The following DLG2 variants were observed in gnomAD, a reference collection of about 807,000 sequenced individuals.
The protein encoded by DLG2 is discs large MAGUK scaffold protein 2.
In DLG2, 45 loss-of-function variants were observed where a neutral mutation model predicts 132.5. That is an observed-to-expected ratio of 0.34 (90% CI 0.27 to 0.44). The LOEUF (loss-of-function observed/expected upper bound fraction) is 0.44. Among genes scored for constraint, DLG2 ranks in the 20% least tolerant of loss-of-function variants. The probability of loss-of-function intolerance (pLI) is 1.00; values close to 1 mark genes in which losing one functional copy is unlikely to be tolerated. For missense variants in DLG2, 1,045 were observed against 1,196.9 expected (o/e 0.87, Z 1.87); for synonymous variants, 424 against 419.6 (o/e 1.01, Z -0.13).
chr11:85,127,176 C>CTTACATCCCAGCCATAT (rs2075212687), intron 5 of DLG2, among the ~76,000 whole-genome samples: 1 of 151,980 alleles, frequency 6.6e-6, no homozygotes, highest in Admixed American at 6.6e-5. Flanking sequence ...TATTGGACAC[C>CTTACATCCCAGCCATAT]TTACATCCCA....
intron 9 of DLG2, 111 bp downstream of exon 9, chr11:84,163,350 C>G (rs1008076494): frequency 2.0e-6 from 2 of 988,538 alleles, no homozygotes; most frequent in African/African-American, 1.7e-5. Context: ...CTGTGGGAAA[C>G]TTCCAGGTTA....
At chr11:83,550,808 A>G (rs645427) in intron 19 of DLG2, among the ~76,000 whole-genome samples, 96,008 of 151,892 alleles carry the variant, frequency 0.63, 30,506 homozygotes, top group African/African-American at 0.68. Context: ...ATTTCAGAGA[A>G]GCTGACACAG....
chr11:83,558,158 C>T (rs539855118), intron 19 of DLG2, among the ~76,000 whole-genome samples: 1 of 152,150 alleles, frequency 6.6e-6, no homozygotes, highest in Non-Finnish European at 1.5e-5. Context: ...CTTACTTAGT[C>T]CAAAACCTCC....
rs143224377 is a variant in DLG2, at chr11:83,696,859, A to T, written c.1826-63534T>A. ...TACTGCTATTGGAGAGTTGCAAAGC[A>T]CTATGGGAGCCCAAGACAAAAGAGA... On this transcript the variant is annotated intron_variant, in intron 18 of 27. Transcript: ENST00000376104. 1.4e-3 allele frequency among the ~76,000 whole-genome samples: 209 copies of T among 152,364 alleles called. 6 individuals are homozygous for T. The highest frequency in any genetic ancestry group is 4.7e-3 in the African/African-American group (197 of 41,586).
chr11:83,464,976 G>C (rs1183913435), intron 26 of DLG2, among the ~76,000 whole-genome samples: 1 of 152,084 alleles, frequency 6.6e-6, no homozygotes, highest in Non-Finnish European at 1.5e-5. Flanking sequence ...ATTTGTACTT[G>C]CTTAATTCAC....
chr11:84,345,537 G>A (rs191607415), intron 7 of DLG2, among the ~76,000 whole-genome samples: 2 of 152,292 alleles, frequency 1.3e-5, no homozygotes, highest in Admixed American at 1.3e-4. Context: ...GATAGTGGTG[G>A]TGTAATATCC....
chr11:83,477,143 C>A (rs2092685746), intron 22 of DLG2, among the ~76,000 whole-genome samples: 1 of 152,096 alleles, frequency 6.6e-6, no homozygotes, highest in Admixed American at 6.6e-5. Context: ...ATGTAAAGAG[C>A]TTTACTGAGC....
At position 85,345,289 on chromosome 11, in the gene DLG2, C is replaced by T. The variant is rs568180857; in HGVS notation, c.41-59924G>A. 3.3e-5 allele frequency among the ~76,000 whole-genome samples: 5 copies of T among 152,150 alleles called. No individual in the cohort carries two copies. In the South Asian group the frequency reaches 1.0e-3, roughly 32 times the overall value. On this transcript the variant is annotated intron_variant, in intron 3 of 27. Transcript: ENST00000376104. Reference sequence around the variant, plus strand: ...TGTGGAAGTATGGCATGTCTTGGTGCTCCTTGGGGCACAATATTGCTTAAT... The same window carrying T: ...TGTGGAAGTATGGCATGTCTTGGTGTTCCTTGGGGCACAATATTGCTTAAT...
intron 8 of DLG2, among the ~76,000 whole-genome samples, chr11:84,164,743 A>G (rs574502104): frequency 6.6e-6 from 1 of 152,378 alleles, no homozygotes; most frequent in African/African-American, 2.4e-5. Context: ...CAGTGAACAT[A>G]TAGAATGACA....
At chr11:83,914,180 T>C (rs1157477168) in intron 15 of DLG2, among the ~76,000 whole-genome samples, 2 of 152,106 alleles carry the variant, frequency 1.3e-5, no homozygotes, top group Non-Finnish European at 2.9e-5. Flanking sequence ...TCTCTCATGA[T>C]GGCTTGGGGT....
At chr11:84,111,647 T>C (rs2154192816) in intron 9 of DLG2, among the ~76,000 whole-genome samples, 1 of 152,234 alleles carries the variant, frequency 6.6e-6, no homozygotes, top group East Asian at 1.9e-4. Flanking sequence ...TTGAATCACC[T>C]AATTAATTCT....
In DLG2 at chr11:83,470,897, C is replaced by G. The variant is rs143617607; in HGVS notation, c.2446+729G>C. ...CCATTATCTAATAAATTAAAATTTC[C>G]TGATGGACCTGTCTACATACGTAGA... On this transcript the variant is annotated intron_variant, in intron 24 of 27. Coordinates refer to ENST00000376104, the MANE Select transcript of DLG2 (RefSeq NM_001142699.3). Among the ~76,000 whole-genome samples, 1,128 of 152,138 alleles carry G rather than the reference C, an allele frequency of 7.4e-3. 13 individuals carry two copies. Among genetic ancestry groups the G allele is most frequent in the African/African-American group, 0.026 (1,062 of 41,514 alleles).
intron 3 of DLG2, among the ~76,000 whole-genome samples, chr11:85,417,666 G>A (rs529979851): frequency 1.4e-4 from 22 of 152,250 alleles, no homozygotes; most frequent in African/African-American, 5.1e-4. Context: ...TCTTGCTTTA[G>A]TCTTGTGAGG....
chr11:85,615,728 A>G (rs2081289036), intron 2 of DLG2, among the ~76,000 whole-genome samples: 1 of 152,160 alleles, frequency 6.6e-6, no homozygotes, highest in African/African-American at 2.4e-5. Context: ...TTGGAGGAGA[A>G]ATAATCTTAA....
chr11:85,586,214 G>T (rs2078960106), intron 3 of DLG2, among the ~76,000 whole-genome samples: 1 of 151,698 alleles, frequency 6.6e-6, no homozygotes, highest in South Asian at 2.1e-4. Context: ...TCTGGGTTTT[G>T]GTAAATCCCA....
intron 21 of DLG2, among the ~76,000 whole-genome samples, chr11:83,495,040 C>T (rs1027022960): frequency 1.3e-5 from 2 of 152,086 alleles, no homozygotes; most frequent in Non-Finnish European, 2.9e-5. Flanking sequence ...TCCTAAGCTC[C>T]CTTTCTTATA....
At chr11:84,998,539 T>A (rs1465785672) in intron 6 of DLG2, among the ~76,000 whole-genome samples, 6 of 152,100 alleles carry the variant, frequency 3.9e-5, no homozygotes, top group Non-Finnish European at 8.8e-5. Flanking sequence ...ATAATTTTTA[T>A]CTCTGAATGT....
At chr11:84,778,713 T>C (rs2071147675) in intron 6 of DLG2, among the ~76,000 whole-genome samples, 1 of 152,192 alleles carries the variant, frequency 6.6e-6, no homozygotes, top group Non-Finnish European at 1.5e-5. Context: ...GGGAAATTAT[T>C]GTTTTTGGAT....
intron 6 of DLG2, among the ~76,000 whole-genome samples, chr11:84,606,276 C>T (rs1045363897): frequency 2.0e-5 from 3 of 151,950 alleles, no homozygotes; most frequent in East Asian, 1.9e-4. Context: ...GTGGATAAAC[C>T]GCAGCATATT....
Sources: allele counts gnomAD v4.1 joint callset (sites outside exome capture counted in the v4.1 genomes callset), GRCh38; gene constraint gnomAD v4.1.1; transcripts MANE v1.5; gene names NCBI Gene and HGNC (gene_info 2026-07-23, HGNC 2026-07-21).